Variants in ZNRF3 observed in about 807,000 individuals in gnomAD.
The protein encoded by ZNRF3 is zinc and ring finger 3, also known as E3 ubiquitin-protein ligase ZNRF3.
ZNRF3 carries 23 observed loss-of-function variants against 72.5 expected under a neutral mutation model. The ratio of observed to expected loss-of-function variants is 0.32; its 90% CI spans 0.23 to 0.45. The LOEUF is 0.45. ZNRF3 is among the 20% of genes least tolerant of loss of function. The probability of loss-of-function intolerance (pLI) is 1.00; values close to 1 mark genes in which losing one functional copy is unlikely to be tolerated. For synonymous variants in ZNRF3, 610 were observed against 545.3 expected (o/e 1.12, Z -1.65); for missense variants, 1,169 against 1,272.1 (o/e 0.92, Z 1.23).
intron 1 of ZNRF3, among the ~76,000 whole-genome samples, chr22:28,971,643 A>G (rs1438856251): frequency 6.6e-6 from 1 of 152,196 alleles, no homozygotes; most frequent in Admixed American, 6.5e-5. Flanking sequence ...TGAGGAAACA[A>G]CCTTGGGGAA....
At chr22:28,937,206 TATA>T (rs1357262083) in intron 1 of ZNRF3, among the ~76,000 whole-genome samples, 21 of 5,172 alleles carry the variant, frequency 4.1e-3, no homozygotes, top group South Asian at 0.016. Flanking sequence ...TATATATATA[TATA>T]TATATATTTT....
At chr22:28,891,568 G>C (rs2033888254) in intron 1 of ZNRF3, among the ~76,000 whole-genome samples, 1 of 152,250 alleles carries the variant, frequency 6.6e-6, no homozygotes, top group African/African-American at 2.4e-5. Context: ...GTGCCAGAGA[G>C]GTAAAGTCAC....
chr22:29,024,411 T>C (rs984963349), intron 2 of ZNRF3, among the ~76,000 whole-genome samples: 1 of 152,078 alleles, frequency 6.6e-6, no homozygotes, highest in Non-Finnish European at 1.5e-5. Flanking sequence ...ATTGAGTAGA[T>C]GTTTTAATAT....
rs2037304889 is a variant in ZNRF3 at position 29,056,637 on chromosome 22, C to T, written c.*3015C>T. On this transcript the variant is annotated 3_prime_UTR_variant, in exon 9 of 9. Coordinates refer to ENST00000544604, the MANE Select transcript of ZNRF3 (RefSeq NM_001206998.2). ...CACTTTCCACTGAGAACCCCTGCCC[C>T]CAATCCCTCTAAGTTGGGGTGTGGC... 6.6e-6 allele frequency: 1 copy of T among 152,208 alleles called. No individual in the cohort carries two copies. Among genetic ancestry groups the T allele is most frequent in the Non-Finnish European group, 1.5e-5 (1 of 68,064 alleles). The allele number at this position is 152,208 out of a possible 1,614,324, so 9.4% of individuals were successfully genotyped here.
chr22:28,961,301 G>A (rs2035354250), intron 1 of ZNRF3, among the ~76,000 whole-genome samples: 1 of 152,202 alleles, frequency 6.6e-6, no homozygotes, highest in African/African-American at 2.4e-5. Context: ...ATTTTGGAGG[G>A]CCATATACAT....
chr22:28,902,943 A>G (rs907253952), intron 1 of ZNRF3, among the ~76,000 whole-genome samples: 1 of 152,180 alleles, frequency 6.6e-6, no homozygotes, highest in Non-Finnish European at 1.5e-5. Context: ...GAATCCAAAA[A>G]TGCCATTTAC....
At chr22:28,921,662 G>A (rs1226951129) in intron 1 of ZNRF3, among the ~76,000 whole-genome samples, 2 of 152,182 alleles carry the variant, frequency 1.3e-5, no homozygotes, top group African/African-American at 4.8e-5. Flanking sequence ...TCCCTAACTA[G>A]ATTGTAAGTT....
intron 1 of ZNRF3, among the ~76,000 whole-genome samples, chr22:28,977,034 C>T (rs1416630753): frequency 6.6e-6 from 1 of 152,108 alleles, no homozygotes; most frequent in Non-Finnish European, 1.5e-5. Flanking sequence ...TTGAAATGCC[C>T]CCTGCTTCCC....
At chr22:29,013,798 G>A (rs1050232266) in intron 2 of ZNRF3, among the ~76,000 whole-genome samples, 1 of 152,188 alleles carries the variant, frequency 6.6e-6, no homozygotes, top group African/African-American at 2.4e-5. Flanking sequence ...ACTTGTATAG[G>A]CCATAAAAGC....
At chr22:28,942,340 C>CT (rs1305426560) in intron 1 of ZNRF3, among the ~76,000 whole-genome samples, 1 of 152,266 alleles carries the variant, frequency 6.6e-6, no homozygotes, top group African/African-American at 2.4e-5. Flanking sequence ...GCGGACTGTT[C>CT]TTTTTTTGGA....
intron 1 of ZNRF3, among the ~76,000 whole-genome samples, chr22:28,958,702 C>T (rs1010293530): frequency 1.3e-5 from 2 of 152,198 alleles, no homozygotes; most frequent in South Asian, 4.1e-4. Context: ...GCCTCAGGCT[C>T]ATGACTGGCC....
chr22:29,050,011 GGGGGGCTCGGGCAGCTCGGGCC>G lies in ZNRF3; in HGVS notation c.1835_1856del (p.Gly612AspfsTer47). 1 of 1,611,204 alleles carries G rather than the reference GGGGGGCTCGGGCAGCTCGGGCC, an allele frequency of 6.2e-7. No individual in the cohort carries two copies. Among genetic ancestry groups the G allele is most frequent in the Non-Finnish European group, 8.5e-7 (1 of 1,179,270 alleles). ...GGAGCCCCTGTCGTGCCAGTGAGGC[GGGGGGCTCGGGCAGCTCGGGCC>G]GGGGACCTGCCCTGTGCTTCGAGGG... On this transcript the variant is annotated frameshift_variant, in exon 8 of 9. Coordinates refer to ENST00000544604, the MANE Select transcript of ZNRF3 (RefSeq NM_001206998.2). LOFTEE classifies it high-confidence loss of function.
chr22:28,979,236 C>A (rs1170990623), intron 1 of ZNRF3, among the ~76,000 whole-genome samples: 2 of 152,196 alleles, frequency 1.3e-5, no homozygotes, highest in Non-Finnish European at 2.9e-5. Context: ...AGTCCCTGTG[C>A]TTGGATCCCA....
intron 1 of ZNRF3, among the ~76,000 whole-genome samples, chr22:28,897,722 C>G (rs1273430415): frequency 6.6e-6 from 1 of 152,214 alleles, no homozygotes. Flanking sequence ...CCTAGCTCCT[C>G]CCATCTGCAG....
At chr22:29,029,189 C>T (rs1185774635) in intron 2 of ZNRF3, among the ~76,000 whole-genome samples, 2 of 152,178 alleles carry the variant, frequency 1.3e-5, no homozygotes, top group Non-Finnish European at 2.9e-5. Flanking sequence ...GGAAAGCTCA[C>T]CTGGAACCTA....
chr22:28,969,696 G>C (rs775838302), intron 1 of ZNRF3, among the ~76,000 whole-genome samples: 3 of 152,208 alleles, frequency 2.0e-5, no homozygotes, highest in Non-Finnish European at 4.4e-5. Context: ...GTGGTAACTT[G>C]CACAGAGTAG....
chr22:28,981,679 C>G (rs779825733), intron 1 of ZNRF3, among the ~76,000 whole-genome samples: 2 of 152,272 alleles, frequency 1.3e-5, no homozygotes, highest in East Asian at 3.9e-4. Context: ...CTGTATAAGA[C>G]TGTGCATATA....
intron 1 of ZNRF3, among the ~76,000 whole-genome samples, chr22:28,971,287 C>A (rs560743943): frequency 1.3e-5 from 2 of 152,090 alleles, no homozygotes; most frequent in Admixed American, 1.3e-4. Context: ...GCTCTATGAC[C>A]CAACCAAAAG....
intron 2 of ZNRF3, among the ~76,000 whole-genome samples, chr22:29,019,773 C>G (rs1452919197): frequency 6.6e-6 from 1 of 152,144 alleles, no homozygotes; most frequent in Non-Finnish European, 1.5e-5. Flanking sequence ...CAATCACTGT[C>G]TTAGTTCTAC....
Sources: gnomAD v4.1 joint callset for allele counts (sites outside exome capture counted in the v4.1 genomes callset) on GRCh38, gnomAD v4.1.1 for gene constraint, MANE v1.5 for transcripts, NCBI Gene and HGNC (gene_info 2026-07-23, HGNC 2026-07-21) for gene names.